THG1L: variants seen among roughly 807,000 people sequenced by gnomAD.
THG1L encodes probable tRNA(His) guanylyltransferase.
THG1L carries 27 observed loss-of-function variants against 35.2 expected under a neutral mutation model. The ratio of observed to expected loss-of-function variants is 0.77; its 90% CI spans 0.57 to 1.06. The LOEUF is 1.06. Among genes scored for constraint, THG1L ranks in the 50% least tolerant of loss-of-function variants. The pLI, the probability that THG1L is intolerant of heterozygous loss-of-function variation, is 0.00. For missense variants in THG1L, 377 were observed against 371.8 expected, an observed-to-expected ratio of 1.01 and a Z score of -0.12; for synonymous variants, 135 against 132.4, an observed-to-expected ratio of 1.02 and a Z score of -0.14.
At chr5:157,735,255 TA>T (rs1185548906) in intron 3 of THG1L, among the ~76,000 whole-genome samples, 1 of 152,160 alleles carries the variant, frequency 6.6e-6, no homozygotes, top group Non-Finnish European at 1.5e-5. Flanking sequence ...CTCTATTTTT[TA>T]AAAAAATCAG....
intron 1 of THG1L, 69 bp downstream of exon 1, chr5:157,731,700 A>C (rs1409774195): frequency 1.4e-5 from 21 of 1,525,368 alleles, no homozygotes; most frequent in Non-Finnish European, 1.9e-5. Context: ...CTTCCCTTGC[A>C]AGTCCTCCCG....
At chr5:157,735,138 A>C (rs567578755) in intron 3 of THG1L, among the ~76,000 whole-genome samples, 1 of 152,056 alleles carries the variant, frequency 6.6e-6, no homozygotes, top group South Asian at 2.1e-4. Context: ...GGGTTTCTCC[A>C]TGTTGGTCAG....
intron 3 of THG1L, 112 bp from the exon 4 acceptor site, chr5:157,735,734 A>G (rs1346362750): frequency 1.4e-6 from 1 of 701,416 alleles, no homozygotes; most frequent in Non-Finnish European, 2.3e-6. Flanking sequence ...AATGTCTCTG[A>G]GATCTCTTTA....
At position 157,738,571 on chromosome 5, in the gene THG1L, T is replaced by C. The variant is rs532728978; in HGVS notation, c.735+577T>C. On this transcript the variant is annotated intron_variant, in intron 5 of 5. Coordinates refer to ENST00000231198, the MANE Select transcript of THG1L (RefSeq NM_017872.5). ...AATGATTTCTCTAAATTTATTTCCT[T>C]CCATGTAAAGTTTTTTTGTTTTTTT... 1.4e-3 allele frequency: 571 copies of C among 418,198 alleles called. 4 individuals carry two copies. Among genetic ancestry groups the C allele is most frequent in the African/African-American group, 0.011 (527 of 47,198 alleles). 25.9% of individuals were successfully genotyped at this position (418,198 alleles called of 1,614,324 possible). A position where few individuals can be genotyped will look rare whatever the true frequency, so the allele number is the denominator to read the frequency against.
At chr5:157,737,570 C>G (rs1405268727) in intron 4 of THG1L, among the ~76,000 whole-genome samples, 2 of 152,032 alleles carry the variant, frequency 1.3e-5, no homozygotes, top group African/African-American at 4.8e-5. Flanking sequence ...TAAGGACAAC[C>G]TTTTAACCTT....
Position 157,732,852 on chromosome 5 carries a change from T to G in THG1L, c.192-16T>G. Reference sequence around the variant, plus strand: ...AGGCTTCCATCCATGCTTTCTTCCCTTTTTCCCCTGTGAAGGTTTGCTGAG... The same window carrying G: ...AGGCTTCCATCCATGCTTTCTTCCCGTTTTCCCCTGTGAAGGTTTGCTGAG... On this transcript the variant is annotated splice_polypyrimidine_tract_variant and intron_variant, in intron 1 of 5. Coordinates refer to ENST00000231198, the MANE Select transcript of THG1L (RefSeq NM_017872.5). 6.2e-7 allele frequency: 1 copy of G among 1,612,928 alleles called. No individual in the cohort carries two copies. The highest frequency in any genetic ancestry group is 1.1e-5 in the South Asian group (1 of 91,016).
chr5:157,739,469 A>G lies in THG1L; in HGVS notation c.884A>G (p.Asp295Gly). The change falls in exon 6 of 6, where the codon GAT becomes GGT. Residue 295 changes from aspartate to glycine, a missense_variant. Coordinates refer to ENST00000231198, the MANE Select transcript of THG1L (RefSeq NM_017872.5). ...AFWKEHPEIL[D>G]EDS is the part of the protein sequence containing the mutation. ...TGGAAGGAACATCCAGAGATTCTAG[A>G]TGAAGACAGCTGACCCTTTTGCGCT... 3 of 1,612,852 alleles carry G rather than the reference A, an allele frequency of 1.9e-6. No individual in the cohort carries two copies. Among genetic ancestry groups the G allele is most frequent in the African/African-American group, 1.3e-5 (1 of 74,994 alleles).
At chr5:157,738,429 A>G (rs1268154498) in intron 5 of THG1L, among the ~76,000 whole-genome samples, 1 of 152,200 alleles carries the variant, frequency 6.6e-6, no homozygotes, top group Admixed American at 6.5e-5. Flanking sequence ...TATTTTCGTA[A>G]ATGTCATGAG....
intron 5 of THG1L, among the ~76,000 whole-genome samples, chr5:157,738,226 A>G (rs1052020716): frequency 5.9e-5 from 9 of 152,118 alleles, no homozygotes; most frequent in Non-Finnish European, 1.3e-4. Context: ...TAGTGCCTTT[A>G]TTTTTCTGTG....
intron 4 of THG1L, among the ~76,000 whole-genome samples, chr5:157,736,213 CGTGTATGACT>C (rs1266266299): frequency 1.3e-5 from 2 of 151,198 alleles, no homozygotes; most frequent in African/African-American, 4.9e-5. Flanking sequence ...TGCCTGAAGC[CGTGTATGACT>C]GTGTATGACT....
rs568055601 is a variant in THG1L at position 157,731,486 on chromosome 5, A to G, written c.46A>G (p.Ile16Val). 53 of 1,610,188 alleles carry G rather than the reference A, an allele frequency of 3.3e-5. 2 individuals carry two copies. In the South Asian group the frequency reaches 5.5e-4, roughly 17 times the overall value. ...KVKVHDSLATISITLRRYLRL... is the reference protein window; with the variant it reads ...KVKVHDSLATVSITLRRYLRL... ...TAAGGTTCACGATTCCTTGGCCACC[A>G]TTTCCATCACTCTGAGACGGTACCT... The change falls in exon 1 of 6, where the codon ATT (isoleucine) becomes GTT (valine). Residue 16 changes from isoleucine (I) to valine (V), a missense_variant. Ile to Val is a conservative substitution (Grantham distance 29). Transcript: ENST00000231198.
chr5:157,737,493 AG>A (rs918558410), intron 4 of THG1L, among the ~76,000 whole-genome samples: 4 of 152,026 alleles, frequency 2.6e-5, no homozygotes, highest in Non-Finnish European at 4.4e-5. Context: ...AAAAAAAAAA[AG>A]GCATACTGGT....
Position 157,734,740 on chromosome 5 carries a change from CA to C in THG1L, c.534del (p.Asp179IlefsTer21). 6.2e-7 allele frequency: 1 copy of C among 1,614,144 alleles called. No individual in the cohort carries two copies. Among genetic ancestry groups the C allele is most frequent in the Non-Finnish European group, 8.5e-7 (1 of 1,180,026 alleles). On this transcript the variant is annotated frameshift_variant, in exon 3 of 6. Transcript: ENST00000231198. LOFTEE classifies it high-confidence loss of function. ...AAGGACTACCTCAGCTGGCGACAAGCAGATTGTGAGTGGCACCAAATAAACA... is the reference window on the plus strand; with the variant it reads ...AAGGACTACCTCAGCTGGCGACAAGCGATTGTGAGTGGCACCAAATAAACA... ...TLKDYLSWRQADCHINNLYNT... is the reference protein window; with the variant it reads ...TLKDYLSWRQXDCHINNLYNT...
In THG1L at chr5:157,732,914, C is replaced by T; in HGVS notation, c.238C>T (p.Leu80Phe). The change falls in exon 2 of 6, where the codon CTC (leucine) becomes TTC (phenylalanine). Residue 80 changes from leucine (L) to phenylalanine (F), a missense_variant. Coordinates refer to ENST00000231198, the MANE Select transcript of THG1L (RefSeq NM_017872.5). ...NFAKPNDSRA[L>F]QLMTKCAQTV... ...TGCAAAACCCAATGACAGCCGTGCT[C>T]TCCAGCTGATGACCAAATGTGCGCA... The T allele has an allele frequency of 6.2e-7, 1 of 1,614,226 alleles. No homozygotes were observed. The highest frequency in any genetic ancestry group is 1.1e-5 in the South Asian group (1 of 91,084).
intron 5 of THG1L, among the ~76,000 whole-genome samples, chr5:157,738,898 C>T (rs1760956584): frequency 1.4e-5 from 2 of 147,860 alleles, no homozygotes; most frequent in Admixed American, 6.8e-5. Context: ...CATCTCGGCT[C>T]ACTGCAACCT....
In THG1L at chr5:157,734,680, G is replaced by A; in HGVS notation, c.473G>A (p.Gly158Glu). The change falls in exon 3 of 6, where the codon GGA (glycine) becomes GAA (glutamate). Residue 158 changes from glycine (G) to glutamate (E), a missense_variant. Coordinates refer to ENST00000231198, the MANE Select transcript of THG1L (RefSeq NM_017872.5). ...QPLLYPPGFD[G>E]RVVVYPSNQT... ...CTTCTGTATCCCCCAGGCTTTGACG[G>A]AAGAGTCGTGGTGTATCCCAGCAAC... 6.2e-7 allele frequency: 1 copy of A among 1,614,136 alleles called. No individual in the cohort carries two copies. Among genetic ancestry groups the A allele is most frequent in the South Asian group, 1.1e-5 (1 of 91,074 alleles).
intron 1 of THG1L, among the ~76,000 whole-genome samples, chr5:157,732,626 T>C (rs1351300154): frequency 6.6e-6 from 1 of 152,212 alleles, no homozygotes; most frequent in Admixed American, 6.5e-5. Flanking sequence ...GTAAATATTC[T>C]TTTATTCCCA....
In THG1L at chr5:157,739,848, A is replaced by AGCCCAAACTCTC. The variant is rs1267342999; in HGVS notation, c.*372_*383dup. 1 of 160,278 alleles carries AGCCCAAACTCTC rather than the reference A, an allele frequency of 6.2e-6. No homozygotes were observed. Among genetic ancestry groups the AGCCCAAACTCTC allele is most frequent in the Non-Finnish European group, 1.4e-5 (1 of 73,758 alleles). 9.9% of individuals were successfully genotyped at this position (160,278 alleles called of 1,614,324 possible). A position where few individuals can be genotyped will look rare whatever the true frequency, so the allele number is the denominator to read the frequency against. ...TTATTTTCATCTATGAGAGAAGAGG[A>AGCCCAAACTCTC]GCCCAAACTCTCGCCCACCTGTTCT... On this transcript the variant is annotated 3_prime_UTR_variant, in exon 6 of 6. Coordinates refer to ENST00000231198, the MANE Select transcript of THG1L (RefSeq NM_017872.5).
In THG1L at chr5:157,731,569, TGAC is replaced by T. The variant is rs759616367; in HGVS notation, c.133_135del (p.Asp45del). The T allele has an allele frequency of 3.1e-6, 5 of 1,611,888 alleles. No individual in the cohort carries two copies. The highest frequency in any genetic ancestry group is 1.7e-4 in the Middle Eastern group (1 of 6,056). On this transcript the variant is annotated inframe_deletion, in exon 1 of 6. Coordinates refer to ENST00000231198, the MANE Select transcript of THG1L (RefSeq NM_017872.5). Reference sequence around the variant, plus strand: ...TCGAGTACGTGAGGGACTTCGAGGCTGACGACACCTGCCTGGCACACTGCTGGG... The same window carrying T: ...TCGAGTACGTGAGGGACTTCGAGGCTGACACCTGCCTGGCACACTGCTGGG...
Sources: allele counts gnomAD v4.1 joint callset (sites outside exome capture counted in the v4.1 genomes callset), GRCh38; gene constraint gnomAD v4.1.1; transcripts MANE v1.5; gene names NCBI Gene and HGNC (gene_info 2026-07-23, HGNC 2026-07-21).